HSD17B12: variants seen among roughly 807,000 people sequenced by gnomAD.
HSD17B12 encodes hydroxysteroid 17-beta dehydrogenase 12, also known as very-long-chain 3-oxoacyl-CoA reductase.
HSD17B12 carries 32 observed loss-of-function variants against 39.3 expected under a neutral mutation model. The observed-to-expected ratio is 0.81, with a 90% confidence interval of 0.61 to 1.09. The LOEUF is 1.09. Ranked by LOEUF, HSD17B12 falls within the 50% of genes least tolerant of loss-of-function variation. The pLI is 0.00. For missense variants in HSD17B12, 342 were observed against 382.9 expected (o/e 0.89, Z 0.89); for synonymous variants, 150 against 146.7 (o/e 1.02, Z -0.16).
At chr11:43,821,683 A>G (rs1412303904) in intron 6 of HSD17B12, among the ~76,000 whole-genome samples, 1 of 152,198 alleles carries the variant, frequency 6.6e-6, no homozygotes, top group African/African-American at 2.4e-5. Context: ...GGAGAATGGG[A>G]GAAGTGCCGC....
intron 1 of HSD17B12, among the ~76,000 whole-genome samples, chr11:43,747,831 A>G (rs1950426239): frequency 6.6e-6 from 1 of 152,114 alleles, no homozygotes; most frequent in Non-Finnish European, 1.5e-5. Flanking sequence ...AAGTGTGGAG[A>G]CCAGAGCTCT....
At chr11:43,765,967 A>T (rs529320042) in intron 3 of HSD17B12, among the ~76,000 whole-genome samples, 1 of 151,632 alleles carries the variant, frequency 6.6e-6, no homozygotes, top group African/African-American at 2.4e-5. Context: ...CCGCCACTAC[A>T]GGCGCCCGCC....
At chr11:43,846,994 TAAAC>T (rs1393893250) in intron 9 of HSD17B12, among the ~76,000 whole-genome samples, 15 of 152,308 alleles carry the variant, frequency 9.8e-5, no homozygotes, top group African/African-American at 3.6e-4. Flanking sequence ...AGACAGACAT[TAAAC>T]AAATCCACAA....
intron 3 of HSD17B12, among the ~76,000 whole-genome samples, chr11:43,794,883 G>C (rs1950902618): frequency 6.6e-6 from 1 of 152,212 alleles, no homozygotes; most frequent in South Asian, 2.1e-4. Context: ...GGAAAAAAGA[G>C]AGAGGCTGTG....
At chr11:43,708,813 A>C (rs1283551709) in intron 1 of HSD17B12, among the ~76,000 whole-genome samples, 1 of 152,206 alleles carries the variant, frequency 6.6e-6, no homozygotes, top group Non-Finnish European at 1.5e-5. Context: ...CTTATCTTTT[A>C]TAATGGTTTT....
intron 2 of HSD17B12, 128 bp downstream of exon 2, chr11:43,751,085 T>C: frequency 1.9e-6 from 1 of 513,840 alleles, no homozygotes; most frequent in South Asian, 4.0e-5. Context: ...CAATAGATGC[T>C]TTTTGTTTCT....
At chr11:43,624,588 A>C in the HSD17B12 span, among the ~76,000 whole-genome samples, 607 of 151,954 alleles carry the variant, frequency 4.0e-3, 4 homozygotes, top group East Asian at 0.031. Flanking sequence ...GTAGACATTG[A>C]TAGATATTAA....
At chr11:43,699,802 A>G (rs1305937249) in intron 1 of HSD17B12, among the ~76,000 whole-genome samples, 1 of 152,206 alleles carries the variant, frequency 6.6e-6, no homozygotes, top group South Asian at 2.1e-4. Context: ...TCCGATCAAA[A>G]AATGGGCAGA....
At chr11:43,802,095 C>T (rs1950975696) in intron 4 of HSD17B12, among the ~76,000 whole-genome samples, 1 of 152,014 alleles carries the variant, frequency 6.6e-6, no homozygotes, top group Admixed American at 6.6e-5. Context: ...ACACCATTCT[C>T]CTGCGTCAGC....
intron 4 of HSD17B12, among the ~76,000 whole-genome samples, chr11:43,804,267 C>G (rs1950998318): frequency 6.6e-6 from 1 of 152,234 alleles, no homozygotes. Context: ...AAGGCCTTCT[C>G]TGTCCATAGT....
intron 4 of HSD17B12, among the ~76,000 whole-genome samples, chr11:43,811,447 G>C (rs1172496156): frequency 1.3e-5 from 2 of 152,124 alleles, no homozygotes; most frequent in Non-Finnish European, 2.9e-5. Context: ...ATTGGACTCA[G>C]TGCTCTTAAC....
chr11:43,640,967 T>G, the HSD17B12 span: 4 of 151,922 alleles, frequency 2.6e-5, no homozygotes, highest in Admixed American at 1.3e-4. Flanking sequence ...TAGCAAAAAT[T>G]TCATCTCCTG....
At chr11:43,828,393 G>A (rs1207813833) in intron 6 of HSD17B12, among the ~76,000 whole-genome samples, 3 of 146,498 alleles carry the variant, frequency 2.0e-5, no homozygotes, top group Admixed American at 1.4e-4. Flanking sequence ...CCGCCGCCTC[G>A]GCCTCCCAAA....
intron 3 of HSD17B12, among the ~76,000 whole-genome samples, chr11:43,780,485 T>C (rs1950754343): frequency 6.6e-6 from 1 of 152,188 alleles, no homozygotes; most frequent in Non-Finnish European, 1.5e-5. Context: ...ATCATATTCT[T>C]ATCATACATA....
chr11:43,654,259 A>G, the HSD17B12 span, among the ~76,000 whole-genome samples: 1 of 151,926 alleles, frequency 6.6e-6, no homozygotes, highest in Non-Finnish European at 1.5e-5. Context: ...TTTTTCTTGT[A>G]AATTTGTTTG....
At chr11:43,669,500 C>CAA in the HSD17B12 span, among the ~76,000 whole-genome samples, 1,601 of 134,400 alleles carry the variant, frequency 0.012, 9 homozygotes, top group South Asian at 0.025. Context: ...GACTCTGTTT[C>CAA]AAAAAAAAAA....
chr11:43,727,832 G>T (rs1257800568), intron 1 of HSD17B12, among the ~76,000 whole-genome samples: 1 of 152,050 alleles, frequency 6.6e-6, no homozygotes, highest in Non-Finnish European at 1.5e-5. Flanking sequence ...TTGATCTCAG[G>T]TTGGGAGAGA....
chr11:43,627,431 T>A, the HSD17B12 span, among the ~76,000 whole-genome samples: 1 of 152,088 alleles, frequency 6.6e-6, no homozygotes, highest in African/African-American at 2.4e-5. Flanking sequence ...CACTAGATAT[T>A]TAAAAACTTT....
chr11:43,617,570 G>T, the HSD17B12 span, among the ~76,000 whole-genome samples: 1 of 152,098 alleles, frequency 6.6e-6, no homozygotes, highest in South Asian at 2.1e-4. Flanking sequence ...TTTCTCTTTG[G>T]CCACCACACA....
Sources: allele counts gnomAD v4.1 joint callset (sites outside exome capture counted in the v4.1 genomes callset), GRCh38; gene constraint gnomAD v4.1.1; transcripts MANE v1.5; gene names NCBI Gene and HGNC (gene_info 2026-07-23, HGNC 2026-07-21).